The following PTPRT variants were observed in gnomAD, a reference collection of about 807,000 sequenced individuals.
PTPRT encodes receptor-type tyrosine-protein phosphatase T.
In PTPRT, 56 loss-of-function variants were observed where a neutral mutation model predicts 176.8. That is an observed-to-expected ratio of 0.32 (90% confidence interval 0.26 to 0.40). The LOEUF is 0.40. Among genes scored for constraint, PTPRT ranks in the 10% least tolerant of loss-of-function variants. PTPRT has a pLI of 1.00. For synonymous variants in PTPRT, 783 were observed against 739.0 expected, an observed-to-expected ratio of 1.06 and a Z score of -0.96; for missense variants, 1,540 against 1,908.2, an observed-to-expected ratio of 0.81 and a Z score of 3.60.
chr20:42,950,564 A>G (rs1981175802), intron 1 of PTPRT, among the ~76,000 whole-genome samples: 1 of 152,178 alleles, frequency 6.6e-6, no homozygotes. Flanking sequence ...CCCCAACCTG[A>G]GAGGCAGAAC....
rs1569146624 is a variant in PTPRT at position 42,771,449 on chromosome 20, T to C, written c.670A>G (p.Lys224Glu). 6.2e-7 allele frequency: 1 copy of C among 1,613,908 alleles called. No homozygotes were observed. Among genetic ancestry groups the C allele is most frequent in the Non-Finnish European group, 8.5e-7 (1 of 1,179,802 alleles). ...IAGGKWSQHD[K>E]LWLQQWNGRD... Reference sequence around the variant, plus strand: ...CTCATGCTTACCTGGAGCCAAAGCTTGTCATGCTGAGACCACTTCCCACCA... The same window carrying C: ...CTCATGCTTACCTGGAGCCAAAGCTCGTCATGCTGAGACCACTTCCCACCA... The change falls in exon 5 of 31, where the codon AAG (lysine) becomes GAG (glutamate). Residue 224 changes from lysine (K) to glutamate (E), a missense_variant. Physicochemically the swap from Lys to Glu is moderately conservative, Grantham distance 56 (BLOSUM62 1). Coordinates refer to ENST00000373187, the MANE Select transcript of PTPRT (RefSeq NM_007050.6).
chr20:42,639,712 C>T (rs536516468), intron 7 of PTPRT, among the ~76,000 whole-genome samples: 2 of 152,230 alleles, frequency 1.3e-5, no homozygotes, highest in African/African-American at 4.8e-5. Context: ...TCCTAAATTT[C>T]AGGACACTAG....
chr20:42,728,310 G>T (rs79174352), intron 6 of PTPRT, among the ~76,000 whole-genome samples: 1 of 152,294 alleles, frequency 6.6e-6, no homozygotes, highest in Non-Finnish European at 1.5e-5. Flanking sequence ...TGGGGCCGGA[G>T]AATTTACATT....
At chr20:42,782,584 G>A (rs1281147692) in intron 3 of PTPRT, among the ~76,000 whole-genome samples, 1 of 152,160 alleles carries the variant, frequency 6.6e-6, no homozygotes, top group Non-Finnish European at 1.5e-5. Flanking sequence ...TTCTGCCTCA[G>A]CCCTCATCTT....
intron 18 of PTPRT, among the ~76,000 whole-genome samples, chr20:42,140,598 T>C (rs1216253506): frequency 2.0e-5 from 3 of 152,174 alleles, no homozygotes; most frequent in East Asian, 1.9e-4. Context: ...CATCCCTTGG[T>C]GAGACTACTG....
intron 6 of PTPRT, among the ~76,000 whole-genome samples, chr20:42,705,794 T>A (rs1344462264): frequency 6.6e-6 from 1 of 152,128 alleles, no homozygotes; most frequent in Admixed American, 6.5e-5. Flanking sequence ...CTTAGACACA[T>A]GGGGGACTCA....
At position 43,119,374 on chromosome 20, in the gene PTPRT, C is replaced by T. The variant is rs368556004; in HGVS notation, c.88+70272G>A. The stretch of plus-strand genomic sequence containing the variant: ...ATCTGATAAGTATGTCTTTAAAATG[C>T]AATTTATCCTTGTTTTCTATTTTTT... On this transcript the variant is annotated intron_variant, in intron 1 of 30. Transcript: ENST00000373187. Among the ~76,000 whole-genome samples, 3 of 152,134 alleles carry T rather than the reference C, an allele frequency of 2.0e-5. No homozygotes were observed. In the East Asian group the frequency reaches 5.8e-4, roughly 29 times the overall value.
intron 6 of PTPRT, among the ~76,000 whole-genome samples, chr20:42,731,630 G>T (rs184113134): frequency 1.3e-5 from 2 of 152,292 alleles, no homozygotes; most frequent in East Asian, 3.9e-4. Context: ...GAAAAACTAT[G>T]GAGCTAACAG....
intron 6 of PTPRT, among the ~76,000 whole-genome samples, chr20:42,739,517 G>A (rs548405964): frequency 1.3e-5 from 2 of 152,082 alleles, no homozygotes; most frequent in South Asian, 2.1e-4. Context: ...GAGGGAAGGG[G>A]CAGAGGCTGG....
chr20:42,197,196 G>A (rs1991256201), intron 16 of PTPRT, among the ~76,000 whole-genome samples: 3 of 151,800 alleles, frequency 2.0e-5, no homozygotes, highest in Admixed American at 1.3e-4. Context: ...TGGCAAACAC[G>A]GTGAAACCCC....
chr20:42,522,758 GCTTT>G (rs988102934), intron 7 of PTPRT, among the ~76,000 whole-genome samples: 2 of 152,064 alleles, frequency 1.3e-5, no homozygotes, highest in African/African-American at 4.8e-5. Flanking sequence ...ACCATGCCCG[GCTTT>G]CTTTTTCTTG....
intron 14 of PTPRT, among the ~76,000 whole-genome samples, chr20:42,242,677 G>C (rs1010203615): frequency 6.6e-6 from 1 of 152,170 alleles, no homozygotes; most frequent in African/African-American, 2.4e-5. Flanking sequence ...TAGGAGACTT[G>C]TCAGAAAAAC....
intron 20 of PTPRT, among the ~76,000 whole-genome samples, 167 bp from the exon 21 acceptor site, chr20:42,118,667 C>A (rs1021098131): frequency 1.3e-5 from 2 of 152,068 alleles, no homozygotes; most frequent in Non-Finnish European, 2.9e-5. Flanking sequence ...GACATGTGAG[C>A]CTGATGGGGA....
At chr20:42,519,244 G>C (rs2072125706) in intron 7 of PTPRT, among the ~76,000 whole-genome samples, 1 of 152,058 alleles carries the variant, frequency 6.6e-6, no homozygotes, top group Non-Finnish European at 1.5e-5. Flanking sequence ...AACCTTTTGG[G>C]ATTAGAGTTT....
intron 18 of PTPRT, among the ~76,000 whole-genome samples, chr20:42,138,668 G>A (rs1333837084): frequency 2.0e-5 from 3 of 152,226 alleles, no homozygotes; most frequent in Admixed American, 6.5e-5. Flanking sequence ...GCCAACAGTC[G>A]CTGCCCTAGA....
At chr20:42,961,163 G>C (rs1015553845) in intron 1 of PTPRT, among the ~76,000 whole-genome samples, 3 of 152,114 alleles carry the variant, frequency 2.0e-5, no homozygotes, top group Admixed American at 6.6e-5. Flanking sequence ...AGAAAAGCCT[G>C]TTTGAAATCC....
At chr20:42,408,922 A>C (rs557039287) in intron 9 of PTPRT, among the ~76,000 whole-genome samples, 2 of 152,334 alleles carry the variant, frequency 1.3e-5, no homozygotes, top group East Asian at 1.9e-4. Context: ...ACATGGGTGA[A>C]GGGGAAGATA....
At chr20:42,388,892 T>C (rs1013652151) in intron 9 of PTPRT, among the ~76,000 whole-genome samples, 3 of 152,138 alleles carry the variant, frequency 2.0e-5, no homozygotes, top group African/African-American at 4.8e-5. Flanking sequence ...CCATCAATGA[T>C]AGACTGGATT....
chr20:43,063,335 G>A (rs1987547155), intron 1 of PTPRT: 1 of 152,020 alleles, frequency 6.6e-6, no homozygotes, highest in South Asian at 2.1e-4. Flanking sequence ...GGGATGTGAG[G>A]GCAATCTGGC....
Sources: allele counts gnomAD v4.1 joint callset (sites outside exome capture counted in the v4.1 genomes callset), GRCh38; gene constraint gnomAD v4.1.1; transcripts MANE v1.5; gene names NCBI Gene and HGNC (gene_info 2026-07-23, HGNC 2026-07-21).